ANK2: variants seen among roughly 807,000 people sequenced by gnomAD.
The protein encoded by ANK2 is ankyrin-2.
In ANK2, 83 loss-of-function variants were observed where a neutral mutation model predicts 360.5. The ratio of observed to expected loss-of-function variants is 0.23; its 90% confidence interval spans 0.19 to 0.28. The LOEUF is 0.28. ANK2 is among the 10% of genes least tolerant of loss of function. The pLI, the probability that ANK2 is intolerant of heterozygous loss-of-function variation, is 1.00. For missense variants in ANK2, 4,201 were observed against 4,795.7 expected (o/e 0.88, Z 3.66); for synonymous variants, 1,740 against 1,759.5 (o/e 0.99, Z 0.28).
chr4:112,950,889 C>T (rs2094918227), intron 2 of ANK2, among the ~76,000 whole-genome samples: 1 of 149,864 alleles, frequency 6.7e-6, no homozygotes, highest in Non-Finnish European at 1.5e-5. Context: ...GAGACCATCC[C>T]GGCTAAAACG....
intron 2 of ANK2, chr4:113,034,033 T>C (rs966148036): frequency 2.6e-5 from 4 of 151,940 alleles, no homozygotes; most frequent in East Asian, 3.9e-4. Flanking sequence ...CGTTAGCTAA[T>C]AGAATAGAAT....
intron 2 of ANK2, among the ~76,000 whole-genome samples, chr4:112,929,466 C>A (rs72892453): frequency 0.036 from 5,455 of 152,258 alleles, 148 homozygotes; most frequent in African/African-American, 0.071. Flanking sequence ...GGCAGGGAAG[C>A]TCCTGAACTT....
intron 2 of ANK2, among the ~76,000 whole-genome samples, chr4:112,948,161 C>T (rs1049027572): frequency 1.3e-5 from 2 of 151,950 alleles, no homozygotes; most frequent in Admixed American, 6.6e-5. Flanking sequence ...GGTAATTTCT[C>T]GCAGAGGATC....
rs113669027 is a variant in ANK2, at chr4:113,301,942, T to A, written c.2476-825T>A. On this transcript the variant is annotated intron_variant, in intron 22 of 45. Transcript: ENST00000357077. Reference sequence around the variant, plus strand: ...ATTATGGTAGCTAATATTTATGGAGTGCCAACATATGCCAAGCACTATTTT... The same window carrying A: ...ATTATGGTAGCTAATATTTATGGAGAGCCAACATATGCCAAGCACTATTTT... Among the ~76,000 whole-genome samples the A allele has an allele frequency of 2.4e-3, 360 of 152,322 alleles. 3 individuals are homozygous for A. The highest frequency in any genetic ancestry group is 8.1e-3 in the African/African-American group (336 of 41,578).
intron 24 of ANK2, among the ~76,000 whole-genome samples, chr4:113,312,802 G>C (rs545000140): frequency 6.6e-6 from 1 of 152,302 alleles, no homozygotes; most frequent in South Asian, 2.1e-4. Flanking sequence ...TTGCATAGCA[G>C]GGGGATCCTT....
At chr4:113,172,377 A>G (rs1382450930) in intron 1 of ANK2, among the ~76,000 whole-genome samples, 2 of 152,248 alleles carry the variant, frequency 1.3e-5, no homozygotes, top group African/African-American at 4.8e-5. Context: ...GGGATAGGAT[A>G]GCAGATAAAA....
intron 2 of ANK2, among the ~76,000 whole-genome samples, chr4:113,043,482 G>T (rs1282326282): frequency 6.6e-6 from 1 of 151,978 alleles, no homozygotes; most frequent in African/African-American, 2.4e-5. Flanking sequence ...TGTTGCTCAG[G>T]CTGGTCTTGA....
chr4:113,024,262 T>C (rs566942329), intron 2 of ANK2, among the ~76,000 whole-genome samples: 1 of 152,136 alleles, frequency 6.6e-6, no homozygotes, highest in African/African-American at 2.4e-5. Flanking sequence ...GAATAAAATA[T>C]GTTAATATTT....
At chr4:113,318,704 C>A in intron 26 of ANK2, 84 bp downstream of exon 26, 2 of 1,193,748 alleles carry the variant, frequency 1.7e-6, no homozygotes, top group South Asian at 1.3e-5. Flanking sequence ...GTAGCTTTAG[C>A]TGGTGGCTAG....
chr4:113,284,833 A>C (rs2063760583), intron 18 of ANK2, among the ~76,000 whole-genome samples: 1 of 152,222 alleles, frequency 6.6e-6, no homozygotes, highest in Non-Finnish European at 1.5e-5. Context: ...GAATTATAAG[A>C]TAATGCAACT....
intron 26 of ANK2, among the ~76,000 whole-genome samples, chr4:113,321,925 G>A (rs2086513879): frequency 6.6e-6 from 1 of 152,080 alleles, no homozygotes; most frequent in Non-Finnish European, 1.5e-5. Context: ...GTAGAGACAG[G>A]GTTCGCCAGT....
intron 4 of ANK2, among the ~76,000 whole-genome samples, chr4:113,206,675 A>G (rs950858651): frequency 2.0e-5 from 3 of 152,208 alleles, no homozygotes; most frequent in Non-Finnish European, 4.4e-5. Context: ...TAAAGAAAAT[A>G]TGCTTTTTCC....
rs192377487 is a variant in ANK2, at chr4:113,168,531, A to G, written c.85-5885A>G. 1.3e-3 allele frequency among the ~76,000 whole-genome samples: 199 copies of G among 152,324 alleles called. 1 individual carries two copies. The highest frequency in any genetic ancestry group is 4.6e-3 in the African/African-American group (193 of 41,582). On this transcript the variant is annotated intron_variant, in intron 1 of 45. Coordinates refer to ENST00000357077, the MANE Select transcript of ANK2 (RefSeq NM_001148.6). ...CTGTCAGTAATTTTCATTTAGTAGC[A>G]ATCTAAAGAGCTGTTGAAGGACACC...
chr4:113,286,340 G>C (rs1279024450), intron 18 of ANK2, among the ~76,000 whole-genome samples: 1 of 152,178 alleles, frequency 6.6e-6, no homozygotes, highest in Non-Finnish European at 1.5e-5. Context: ...CTCACCCTGT[G>C]TTTTACGAAA....
intron 2 of ANK2, among the ~76,000 whole-genome samples, chr4:112,963,766 T>A (rs59201260): frequency 0.086 from 13,039 of 152,080 alleles, 900 homozygotes; most frequent in African/African-American, 0.19. Flanking sequence ...TAAAATGTAA[T>A]TATTTGTAAG....
intron 2 of ANK2, among the ~76,000 whole-genome samples, chr4:113,181,115 A>G (rs185831862): frequency 6.6e-6 from 1 of 152,346 alleles, no homozygotes; most frequent in Non-Finnish European, 1.5e-5. Flanking sequence ...CCCCAGCTCT[A>G]AAAACTTCAT....
intron 1 of ANK2, among the ~76,000 whole-genome samples, chr4:113,165,314 A>G (rs2097712520): frequency 6.6e-6 from 1 of 152,190 alleles, no homozygotes; most frequent in Non-Finnish European, 1.5e-5. Context: ...AGTCATATAT[A>G]GATGCTGTGG....
intron 2 of ANK2, among the ~76,000 whole-genome samples, chr4:113,188,760 A>C (rs1287840660): frequency 2.6e-5 from 4 of 152,160 alleles, no homozygotes; most frequent in Admixed American, 6.5e-5. Context: ...TTCAGAATCT[A>C]GTTTCCCCTT....
chr4:112,829,491 C>CAAAAAAAAAAAAAAAAAA (rs60272903), intron 1 of ANK2, among the ~76,000 whole-genome samples: 2,791 of 60,484 alleles, frequency 0.046, 395 homozygotes, highest in Non-Finnish European at 0.065. Context: ...CCCATCTCTA[C>CAAAAAAAAAAAAAAAAAA]AAAAAAAAAA....
Sources: allele counts gnomAD v4.1 joint callset (sites outside exome capture counted in the v4.1 genomes callset), GRCh38; gene constraint gnomAD v4.1.1; transcripts MANE v1.5; gene names NCBI Gene and HGNC (gene_info 2026-07-23, HGNC 2026-07-21).